Variants in KLHL29 observed in about 807,000 individuals in gnomAD.
KLHL29 encodes kelch-like protein 29.
In KLHL29, 21 loss-of-function variants were observed where a neutral mutation model predicts 80.4. The observed-to-expected ratio is 0.26, with a 90% CI of 0.19 to 0.38. The LOEUF (loss-of-function observed/expected upper bound fraction) is 0.38. Ranked by LOEUF, KLHL29 falls within the 10% of genes least tolerant of loss-of-function variation. The pLI is 1.00. For missense variants in KLHL29, 867 were observed against 1,223.9 expected (o/e 0.71, Z 4.35); for synonymous variants, 511 against 526.8 (o/e 0.97, Z 0.41).
intron 1 of KLHL29, among the ~76,000 whole-genome samples, chr2:23,424,656 C>T (rs1205310112): frequency 6.6e-6 from 1 of 152,056 alleles, no homozygotes; most frequent in Non-Finnish European, 1.5e-5. Context: ...GTCTTTAGTA[C>T]ATCAAATGAG....
At chr2:23,578,532 A>G (rs943372885) in intron 3 of KLHL29, among the ~76,000 whole-genome samples, 3 of 152,170 alleles carry the variant, frequency 2.0e-5, no homozygotes, top group African/African-American at 4.8e-5. Flanking sequence ...ATGATCTGTT[A>G]TTATTACCAT....
At chr2:23,412,118 G>C (rs1025405760) in intron 1 of KLHL29, among the ~76,000 whole-genome samples, 2 of 47,524 alleles carry the variant, frequency 4.2e-5, no homozygotes, top group Non-Finnish European at 9.5e-5. Flanking sequence ...ATGTGTGTGC[G>C]TGAAGGGGGG....
At chr2:23,452,826 G>A (rs377230623) in intron 1 of KLHL29, among the ~76,000 whole-genome samples, 76 of 152,244 alleles carry the variant, frequency 5.0e-4, no homozygotes, top group South Asian at 2.5e-3. Context: ...CTTTTGGAAC[G>A]TTCTTCTTTC....
chr2:23,602,870 A>G (rs987378125), intron 3 of KLHL29, among the ~76,000 whole-genome samples: 2 of 152,156 alleles, frequency 1.3e-5, no homozygotes, highest in African/African-American at 2.4e-5. Context: ...GCCACACCCC[A>G]TTGGCTCAGT....
In KLHL29 at chr2:23,611,302, C is replaced by T. The variant is rs76382688; in HGVS notation, c.286-27837C>T. Among the ~76,000 whole-genome samples, 699 of 152,224 alleles carry T rather than the reference C, an allele frequency of 4.6e-3. 3 individuals are homozygous for T. Among genetic ancestry groups the T allele is most frequent in the African/African-American group, 0.015 (631 of 41,528 alleles). ...AGAGACAGATGAGAGCTGAGCAGGG[C>T]GCTTGACAGCAGGCTTGCAGGGTCA... On this transcript the variant is annotated intron_variant, in intron 3 of 13. Coordinates refer to ENST00000486442, the MANE Select transcript of KLHL29 (RefSeq NM_052920.2).
intron 5 of KLHL29, among the ~76,000 whole-genome samples, chr2:23,670,933 T>A (rs1392304195): frequency 2.8e-3 from 28 of 10,170 alleles, no homozygotes; most frequent in South Asian, 6.7e-3. Context: ...TCTCTCTCTC[T>A]CTCTCTCTCT....
intron 3 of KLHL29, among the ~76,000 whole-genome samples, chr2:23,632,998 C>A (rs1669509670): frequency 6.6e-6 from 1 of 152,138 alleles, no homozygotes; most frequent in African/African-American, 2.4e-5. Flanking sequence ...CCAATCAGAA[C>A]CATGCCAGAG....
chr2:23,599,901 G>C (rs1280255470), intron 3 of KLHL29, among the ~76,000 whole-genome samples: 6 of 152,168 alleles, frequency 3.9e-5, no homozygotes, highest in Non-Finnish European at 8.8e-5. Flanking sequence ...ATGGCTGCCT[G>C]GGTTCCTCAC....
At position 23,642,753 on chromosome 2, in the gene KLHL29, C is replaced by G. The variant is rs1274026740; in HGVS notation, c.843C>G (p.Thr281=). The change falls in exon 5 of 14, where the codon ACC becomes ACG. Residue 281 remains threonine, a synonymous_variant. Coordinates refer to ENST00000486442, the MANE Select transcript of KLHL29 (RefSeq NM_052920.2). ...CTCTCCCCAGTGGTGCCCCTGCCAC[C>G]AATGGGCCCCCCACAACCGACTCGG... The part of the protein sequence containing the change: ...SATLPSGAPA[T]NGPPTTDSAH... 2 of 1,550,188 alleles carry G rather than the reference C, an allele frequency of 1.3e-6. No individual in the cohort carries two copies. Among genetic ancestry groups the G allele is most frequent in the African/African-American group, 1.4e-5 (1 of 73,050 alleles).
chr2:23,539,863 G>A (rs1179426925), intron 2 of KLHL29, among the ~76,000 whole-genome samples: 2 of 152,086 alleles, frequency 1.3e-5, no homozygotes, highest in African/African-American at 4.8e-5. Flanking sequence ...CAGTCTGAGC[G>A]ATTATCCCCT....
chr2:23,478,307 G>A lies in KLHL29; in HGVS notation c.-46+2640G>A, dbSNP rs569587172. ...TGCTGGCTGTGCCCTCCCCTCACATGCAGGAGTCCCATTGATTTCCAAGAT... is the reference window on the plus strand; with the variant it reads ...TGCTGGCTGTGCCCTCCCCTCACATACAGGAGTCCCATTGATTTCCAAGAT... On this transcript the variant is annotated intron_variant, in intron 2 of 13. Coordinates refer to ENST00000486442, the MANE Select transcript of KLHL29 (RefSeq NM_052920.2). Among the ~76,000 whole-genome samples the A allele has an allele frequency of 3.3e-5, 5 of 152,240 alleles. No individual in the cohort carries two copies. In the East Asian group the frequency reaches 9.7e-4, roughly 29 times the overall value.
intron 1 of KLHL29, among the ~76,000 whole-genome samples, chr2:23,418,555 A>G (rs905861610): frequency 3.9e-5 from 6 of 152,202 alleles, no homozygotes; most frequent in Non-Finnish European, 7.3e-5. Context: ...GTTAATGCTC[A>G]CTTTCTCCTC....
intron 1 of KLHL29, among the ~76,000 whole-genome samples, chr2:23,403,230 G>A (rs115710467): frequency 0.017 from 2,602 of 152,106 alleles, 74 homozygotes; most frequent in African/African-American, 0.059. Context: ...TGCCATGCCC[G>A]TCCCCATCCC....
chr2:23,422,963 A>G (rs1662865322), intron 1 of KLHL29, among the ~76,000 whole-genome samples: 2 of 152,230 alleles, frequency 1.3e-5, no homozygotes, highest in South Asian at 4.1e-4. Flanking sequence ...CCAGCAAGCC[A>G]TTTATGCCCC....
chr2:23,407,768 A>G (rs1012331578), intron 1 of KLHL29, among the ~76,000 whole-genome samples: 1 of 151,894 alleles, frequency 6.6e-6, no homozygotes, highest in Non-Finnish European at 1.5e-5. Flanking sequence ...AGGTTTTCTC[A>G]TTTTGCTATA....
chr2:23,505,439 C>A (rs1490817785), intron 2 of KLHL29, among the ~76,000 whole-genome samples: 2 of 152,230 alleles, frequency 1.3e-5, no homozygotes, highest in Non-Finnish European at 2.9e-5. Flanking sequence ...CCTGCAGGGG[C>A]ATCATGGCTG....
chr2:23,497,724 GC>G (rs758894256), intron 2 of KLHL29, among the ~76,000 whole-genome samples: 1 of 152,220 alleles, frequency 6.6e-6, no homozygotes, highest in Non-Finnish European at 1.5e-5. Flanking sequence ...GAATATTCCA[GC>G]TGGGCCAAGA....
At chr2:23,546,312 C>A (rs762393726) in intron 2 of KLHL29, among the ~76,000 whole-genome samples, 1 of 152,098 alleles carries the variant, frequency 6.6e-6, no homozygotes, top group Non-Finnish European at 1.5e-5. Context: ...TACAGGGGAC[C>A]CTGCAGAATG....
chr2:23,473,394 A>C (rs1348534176), intron 1 of KLHL29, among the ~76,000 whole-genome samples: 1 of 152,192 alleles, frequency 6.6e-6, no homozygotes, highest in Non-Finnish European at 1.5e-5. Context: ...AACATCCAGT[A>C]CAGTCTATAA....
Sources: gnomAD v4.1 joint callset for allele counts (sites outside exome capture counted in the v4.1 genomes callset) on GRCh38, gnomAD v4.1.1 for gene constraint, MANE v1.5 for transcripts, NCBI Gene and HGNC (gene_info 2026-07-23, HGNC 2026-07-21) for gene names.